TPP2: variants seen among roughly 807,000 people sequenced by gnomAD.
TPP2 encodes tripeptidyl-peptidase 2.
Under a neutral mutation model 155.9 loss-of-function variants are expected in TPP2, and 34 were observed. That is an observed-to-expected ratio of 0.22 (90% CI 0.17 to 0.29). TPP2 has a LOEUF of 0.29. Among genes scored for constraint, TPP2 ranks in the 10% least tolerant of loss-of-function variants. TPP2 has a pLI of 1.00. For synonymous variants in TPP2, 510 were observed against 529.4 expected (o/e 0.96, Z 0.50); for missense variants, 1,028 against 1,522.3 (o/e 0.68, Z 5.40).
intron 2 of TPP2, among the ~76,000 whole-genome samples, chr13:102,606,426 A>C (rs1048157274): frequency 6.6e-6 from 1 of 152,144 alleles, no homozygotes; most frequent in African/African-American, 2.4e-5. Flanking sequence ...GGGTCTCACA[A>C]GACTGCAGTC....
intron 27 of TPP2, among the ~76,000 whole-genome samples, chr13:102,670,468 A>G (rs543426950): frequency 6.7e-6 from 1 of 149,028 alleles, no homozygotes; most frequent in East Asian, 1.9e-4. Flanking sequence ...TATGTGAGCA[A>G]AAAACTCATT....
intron 27 of TPP2, among the ~76,000 whole-genome samples, chr13:102,668,683 A>G (rs1038424242): frequency 6.6e-6 from 1 of 152,202 alleles, no homozygotes; most frequent in African/African-American, 2.4e-5. Flanking sequence ...GCAAATCTAA[A>G]TGATGATCCC....
At chr13:102,652,414 ATATATAT>A in intron 24 of TPP2, among the ~76,000 whole-genome samples, 1 of 10,268 alleles carries the variant, frequency 9.7e-5, no homozygotes, top group Non-Finnish European at 1.7e-4. Flanking sequence ...ATATATATAT[ATATATAT>A]ATATATATAT....
rs201299899 is a variant in TPP2 at position 102,638,309 on chromosome 13, C to T, written c.1907C>T (p.Ala636Val). Reference protein sequence around the residue: ...LFRVPITAVIAAKVNESSHYD... With the variant: ...LFRVPITAVIVAKVNESSHYD... ...AGAGTTCCGATCACTGCAGTTATAGCAGCAAAGTAAGTAACAGGTTACTCA... is the reference window on the plus strand; with the variant it reads ...AGAGTTCCGATCACTGCAGTTATAGTAGCAAAGTAAGTAACAGGTTACTCA... The change falls in exon 15 of 30, where the codon GCA becomes GTA. Residue 636 changes from alanine to valine, a missense_variant. Physicochemically the swap from Ala to Val is moderately conservative, Grantham distance 64 (BLOSUM62 0). Transcript: ENST00000376052. 7 of 1,612,698 alleles carry T rather than the reference C, an allele frequency of 4.3e-6. No individual in the cohort carries two copies. In the East Asian group the frequency reaches 1.6e-4, roughly 36 times the overall value.
intron 2 of TPP2, among the ~76,000 whole-genome samples, chr13:102,605,264 C>T (rs753117236): frequency 6.6e-6 from 1 of 152,202 alleles, no homozygotes; most frequent in Non-Finnish European, 1.5e-5. Context: ...GCCATTGGGC[C>T]TCTCCGCAGT....
Position 102,673,286 on chromosome 13 carries a change from C to T in TPP2, c.3372-997C>T, listed in dbSNP as rs529017340. The stretch of plus-strand genomic sequence containing the variant: ...CGGATCCTTGTTGATGGTACAGTCC[C>T]GGCAGTTTTCACATGCTACACATTT... On this transcript the variant is annotated intron_variant, in intron 27 of 29. Transcript: ENST00000376052. Among the ~76,000 whole-genome samples the T allele has an allele frequency of 2.1e-4, 32 of 152,254 alleles. No homozygotes were observed. The South Asian group carries it at 4.8e-3, about 23-fold the overall frequency.
intron 8 of TPP2, 147 bp downstream of exon 8, chr13:102,628,071 C>G: frequency 1.5e-6 from 1 of 651,526 alleles, no homozygotes; most frequent in Non-Finnish European, 2.6e-6. Flanking sequence ...GACTTTCATC[C>G]TCTTGAAGTC....
At position 102,679,201 on chromosome 13, in the gene TPP2, AT is replaced by A; in HGVS notation, c.*888del. On this transcript the variant is annotated 3_prime_UTR_variant, in exon 30 of 30. Coordinates refer to ENST00000376052, the MANE Select transcript of TPP2 (RefSeq NM_001330588.2). ...TTGGTCTTAATTTTTCATAAATAAA[AT>A]TTGGGGTTATAACAGAAATAATACA... The A allele has an allele frequency of 6.6e-6, 1 of 152,598 alleles. No individual in the cohort carries two copies. The highest frequency in any genetic ancestry group is 1.9e-4 in the East Asian group (1 of 5,202). The allele number at this position is 152,598 out of a possible 1,614,324, so 9.5% of individuals were successfully genotyped here. A position where few individuals can be genotyped will look rare whatever the true frequency, so the allele number is the denominator to read the frequency against.
chr13:102,677,534 C>G (rs1490874605), intron 29 of TPP2, among the ~76,000 whole-genome samples: 2 of 152,190 alleles, frequency 1.3e-5, no homozygotes, highest in African/African-American at 2.4e-5. Flanking sequence ...CTTGCCCATA[C>G]AAACTCTGCT....
At chr13:102,610,738 A>C (rs911163761) in intron 2 of TPP2, among the ~76,000 whole-genome samples, 7 of 152,248 alleles carry the variant, frequency 4.6e-5, no homozygotes, top group African/African-American at 1.7e-4. Context: ...TGGTACTCCC[A>C]TGAGCAGATA....
chr13:102,597,669 A>G (rs777764200), intron 1 of TPP2, among the ~76,000 whole-genome samples: 23 of 149,034 alleles, frequency 1.5e-4, no homozygotes, highest in Non-Finnish European at 3.1e-4. Flanking sequence ...TACAGCTTTT[A>G]TCATTGGGGT....
intron 27 of TPP2, among the ~76,000 whole-genome samples, chr13:102,668,362 T>G (rs533813007): frequency 2.2e-4 from 34 of 152,366 alleles, no homozygotes; most frequent in African/African-American, 7.5e-4. Context: ...CATTTTCTGT[T>G]TTTTTGCATC....
chr13:102,630,204 A>G lies in TPP2; in HGVS notation c.1244+9A>G, dbSNP rs774370831. 3.1e-6 allele frequency: 5 copies of G among 1,601,516 alleles called. No individual in the cohort carries two copies. The highest frequency in any genetic ancestry group is 1.3e-5 in the African/African-American group (1 of 74,622). ...TCTTCTAGAGGACCTAGGTAGGTGC[A>G]GGTAGAACGCGGAACCATTACGTAT... On this transcript the variant is annotated intron_variant, in intron 10 of 29. Coordinates refer to ENST00000376052, the MANE Select transcript of TPP2 (RefSeq NM_001330588.2).
At chr13:102,627,733 T>C (rs1881735735) in intron 7 of TPP2, 115 bp from the exon 8 acceptor site, 3 of 726,532 alleles carry the variant, frequency 4.1e-6, no homozygotes, top group Admixed American at 3.0e-5. Flanking sequence ...AGGTAACTTA[T>C]AAATTAGAAT....
At chr13:102,677,910 A>G (rs916001436) in intron 29 of TPP2, among the ~76,000 whole-genome samples, 5 of 152,192 alleles carry the variant, frequency 3.3e-5, no homozygotes, top group African/African-American at 1.2e-4. Flanking sequence ...AATGAAAGGA[A>G]CTTAGGTTGG....
intron 4 of TPP2, among the ~76,000 whole-genome samples, chr13:102,616,889 A>G (rs1880773813): frequency 6.6e-6 from 1 of 151,396 alleles, no homozygotes; most frequent in South Asian, 2.1e-4. Flanking sequence ...AAATGGAACC[A>G]TATAGTATGG....
At chr13:102,621,493 T>G (rs1881165477) in intron 5 of TPP2, among the ~76,000 whole-genome samples, 1 of 151,370 alleles carries the variant, frequency 6.6e-6, no homozygotes. Flanking sequence ...GTAGAAAGGG[T>G]GGGGGAAAGA....
At chr13:102,642,798 A>G (rs1474750526) in intron 16 of TPP2, among the ~76,000 whole-genome samples, 3 of 152,232 alleles carry the variant, frequency 2.0e-5, no homozygotes, top group East Asian at 1.9e-4. Context: ...AAAGTTATCA[A>G]TGAGGAATTG....
At chr13:102,628,066 T>C in intron 8 of TPP2, 142 bp downstream of exon 8, 8 of 675,674 alleles carry the variant, frequency 1.2e-5, no homozygotes, top group Non-Finnish European at 2.0e-5. Context: ...AAGAGGACTT[T>C]CATCCTCTTG....
Sources: gnomAD v4.1 joint callset for allele counts (sites outside exome capture counted in the v4.1 genomes callset) on GRCh38, gnomAD v4.1.1 for gene constraint, MANE v1.5 for transcripts, NCBI Gene and HGNC (gene_info 2026-07-23, HGNC 2026-07-21) for gene names.